Variants in RELN observed in about 807,000 individuals in gnomAD.
RELN encodes reelin.
In RELN, 108 loss-of-function variants were observed where a neutral mutation model predicts 427.6. The observed-to-expected ratio is 0.25, with a 90% confidence interval of 0.22 to 0.30. The LOEUF (loss-of-function observed/expected upper bound fraction) is 0.30, where lower values mean the gene tolerates loss of function less well. Ranked by LOEUF, RELN falls within the 10% of genes least tolerant of loss-of-function variation. The pLI, the probability that RELN is intolerant of heterozygous loss-of-function variation, is 1.00. For synonymous variants in RELN, 1,524 were observed against 1,513.4 expected, an observed-to-expected ratio of 1.01 and a Z score of -0.16; for missense variants, 3,715 against 4,302.8, an observed-to-expected ratio of 0.86 and a Z score of 3.82.
Position 103,553,757 on chromosome 7 carries a change from A to G in RELN, c.5872T>C (p.Leu1958=). ...CTGGGCCCAAAATCAAATGTATCCA[A>G]GAGCATCACAGGGTTGTTTACATTA... ...GNNVNNPVML[L]DTFDFGPRED... is the part of the protein sequence containing the mutation. The change falls in exon 39 of 65, where the codon TTG becomes CTG. Residue 1958 remains leucine, a synonymous_variant. Transcript: ENST00000428762. 6.2e-7 allele frequency: 1 copy of G among 1,614,032 alleles called. No homozygotes were observed. Among genetic ancestry groups the G allele is most frequent in the South Asian group, 1.1e-5 (1 of 91,080 alleles).
intron 3 of RELN, among the ~76,000 whole-genome samples, chr7:103,802,237 A>G (rs2116314412): frequency 6.6e-6 from 1 of 152,320 alleles, no homozygotes; most frequent in East Asian, 1.9e-4. Flanking sequence ...AGGGTCTTGC[A>G]AAACTTTTTA....
intron 7 of RELN, among the ~76,000 whole-genome samples, chr7:103,724,924 A>T (rs1790167027): frequency 6.6e-6 from 1 of 151,868 alleles, no homozygotes; most frequent in African/African-American, 2.4e-5. Context: ...TAATTGGGTA[A>T]TATAAATTAT....
At chr7:103,985,457 T>G (rs1053137108) in intron 1 of RELN, among the ~76,000 whole-genome samples, 1 of 152,200 alleles carries the variant, frequency 6.6e-6, no homozygotes, top group Non-Finnish European at 1.5e-5. Flanking sequence ...CGCTTGTCTT[T>G]CATGCACAAT....
chr7:103,547,842 T>C (rs1830333404), intron 41 of RELN, among the ~76,000 whole-genome samples: 1 of 152,208 alleles, frequency 6.6e-6, no homozygotes, highest in Non-Finnish European at 1.5e-5. Context: ...ATATTTATTA[T>C]TGTTCACTTG....
intron 12 of RELN, among the ~76,000 whole-genome samples, chr7:103,660,919 A>G (rs893987149): frequency 5.9e-5 from 9 of 152,198 alleles, no homozygotes; most frequent in African/African-American, 2.2e-4. Flanking sequence ...GTTTGCAAAC[A>G]TATTAGAAAA....
intron 30 of RELN, 74 bp downstream of exon 30, chr7:103,574,018 A>T: frequency 9.0e-7 from 1 of 1,117,194 alleles, no homozygotes; most frequent in South Asian, 1.2e-5. Flanking sequence ...AACAGAACAG[A>T]ATGTTTTAAG....
chr7:103,874,472 C>A lies in RELN; in HGVS notation c.338-40800G>T, dbSNP rs930250745. Reference sequence around the variant, plus strand: ...TCTAGAAAACCCCATTGTCTCAGCCCAAAATCTCCTTAAGCTGATAAGCAA... The same window carrying A: ...TCTAGAAAACCCCATTGTCTCAGCCAAAAATCTCCTTAAGCTGATAAGCAA... On this transcript the variant is annotated intron_variant, in intron 2 of 64. Transcript: ENST00000428762. Among the ~76,000 whole-genome samples, 8 of 144,672 alleles carry A rather than the reference C, an allele frequency of 5.5e-5. 1 individual carries two copies. Among genetic ancestry groups the A allele is most frequent in the Admixed American group, 4.2e-4 (6 of 14,408 alleles). 94.9% of individuals were successfully genotyped at this position (144,672 alleles called of 152,430 possible).
rs1834015738 is a variant in RELN at position 103,698,058 on chromosome 7, A to T, written c.938T>A (p.Leu313His). ...CCCTTTGGCGTCCTCAGGAAGGTAG[A>T]GGATATGGATGATTGTGCTGACATT... ...PSNVSTIIHI[L>H]YLPEDAKGEN... The change falls in exon 10 of 65, where the codon CTC (leucine) becomes CAC (histidine). Residue 313 changes from leucine to histidine, a missense_variant. Leu to His is a moderately conservative substitution (Grantham distance 99). Around this residue, in one of 4 missense-constraint regions of RELN, gnomAD observed 2,208 missense variants for 2,361.7 expected, o/e 0.93. Coordinates refer to ENST00000428762, the MANE Select transcript of RELN (RefSeq NM_005045.4). 6.2e-7 allele frequency: 1 copy of T among 1,613,796 alleles called. No homozygotes were observed. The highest frequency in any genetic ancestry group is 8.5e-7 in the Non-Finnish European group (1 of 1,179,802).
intron 64 of RELN, among the ~76,000 whole-genome samples, chr7:103,475,913 AATAT>A (rs1426287167): frequency 2.0e-5 from 3 of 152,028 alleles, no homozygotes; most frequent in Non-Finnish European, 2.9e-5. Context: ...AAAGATTTTA[AATAT>A]ATTTCTAATT....
intron 2 of RELN, among the ~76,000 whole-genome samples, chr7:103,861,430 A>G (rs915411585): frequency 2.0e-5 from 3 of 152,152 alleles, no homozygotes; most frequent in African/African-American, 7.2e-5. Context: ...ATGAATCACA[A>G]TATTTGGAAA....
chr7:103,872,906 G>T (rs895854127), intron 2 of RELN, among the ~76,000 whole-genome samples: 1 of 151,408 alleles, frequency 6.6e-6, no homozygotes, highest in Non-Finnish European at 1.5e-5. Context: ...CTTTTTGATG[G>T]GGTTGTTTGT....
At chr7:103,872,391 A>G (rs1249939376) in intron 2 of RELN, among the ~76,000 whole-genome samples, 1 of 139,320 alleles carries the variant, frequency 7.2e-6, no homozygotes, top group African/African-American at 2.5e-5. Flanking sequence ...AAGGACATGA[A>G]CTCATCCTTT....
chr7:103,636,132 G>A, intron 18 of RELN, 103 bp downstream of exon 18: 1 of 844,104 alleles, frequency 1.2e-6, no homozygotes, highest in Non-Finnish European at 2.0e-6. Context: ...AGTTAAAAAT[G>A]AGATGTCTAT....
At chr7:103,903,129 C>A (rs1394258521) in intron 2 of RELN, among the ~76,000 whole-genome samples, 1 of 152,068 alleles carries the variant, frequency 6.6e-6, no homozygotes, top group East Asian at 1.9e-4. Context: ...ACTGCGAGGT[C>A]AGAGTCAACC....
At chr7:103,618,140 T>C (rs2117305983) in intron 20 of RELN, among the ~76,000 whole-genome samples, 1 of 152,362 alleles carries the variant, frequency 6.6e-6, no homozygotes, top group South Asian at 2.1e-4. Context: ...GACAATTACC[T>C]TCTTAATTTG....
At position 103,594,457 on chromosome 7, in the gene RELN, G is replaced by A; in HGVS notation, c.3575C>T (p.Thr1192Ile). ...CCACCAGCGGAACCTGGTGCAAGGG[G>A]TCTTGGCAGCAGCTGGAAGCTCCAG... ...VYLELPAAAK[T>I]PCTRFRWWQP... Residue 1192 changes from threonine to isoleucine, a missense_variant, in exon 26 of 65, where the codon ACC becomes ATC. Thr to Ile is a moderately conservative substitution (Grantham distance 89). This residue lies in a region of RELN where 2,208 missense variants were observed against 2,361.7 expected (regional missense o/e 0.93). Coordinates refer to ENST00000428762, the MANE Select transcript of RELN (RefSeq NM_005045.4). 1.9e-6 allele frequency: 3 copies of A among 1,613,950 alleles called. No individual in the cohort carries two copies. Among genetic ancestry groups the A allele is most frequent in the Non-Finnish European group, 2.5e-6 (3 of 1,179,902 alleles).
At chr7:103,618,717 A>AT (rs1350211006) in intron 20 of RELN, among the ~76,000 whole-genome samples, 19 of 152,160 alleles carry the variant, frequency 1.2e-4, no homozygotes, top group African/African-American at 4.3e-4. Context: ...CAGTTTGGAA[A>AT]TTTACACATA....
intron 43 of RELN, 56 bp from the exon 44 acceptor site, chr7:103,540,511 TAAC>T (rs1830155076): frequency 1.9e-6 from 3 of 1,571,816 alleles, no homozygotes; most frequent in Non-Finnish European, 2.6e-6. Context: ...TCCACATGCT[TAAC>T]AACAGACAAG....
intron 2 of RELN, among the ~76,000 whole-genome samples, chr7:103,902,297 AAGTC>A (rs1298181208): frequency 1.3e-5 from 2 of 152,074 alleles, no homozygotes; most frequent in Admixed American, 6.6e-5. Flanking sequence ...AATCATATAA[AAGTC>A]AGGTTAAAAA....
Sources: allele counts gnomAD v4.1 joint callset (sites outside exome capture counted in the v4.1 genomes callset), GRCh38; gene constraint gnomAD v4.1.1; regional missense constraint gnomAD v4.1.1; transcripts MANE v1.5; gene names NCBI Gene and HGNC (gene_info 2026-07-23, HGNC 2026-07-21).